Variants in OR7C1 observed in about 807,000 individuals in gnomAD.
OR7C1 encodes olfactory receptor 7C1.
For synonymous variants in OR7C1, 152 were observed against 160.7 expected (o/e 0.95, Z 0.41); for missense variants, 324 against 383.3 (o/e 0.85, Z 1.29).
rs2044680024 is a variant in OR7C1 at position 14,809,285 on chromosome 19, T to A, written c.-435+521A>T. Among the ~76,000 whole-genome samples, 2 of 151,938 alleles carry A rather than the reference T, an allele frequency of 1.3e-5. 1 individual carries two copies. Among genetic ancestry groups the A allele is most frequent in the African/African-American group, 4.9e-5 (2 of 41,216 alleles). ...AAGTCAGGGCCTTTCTCACTCACAA[T>A]GCTTCATAAATACGAGGAGATGGTA... On this transcript the variant is annotated intron_variant, in intron 2 of 4. Transcript: ENST00000641666.
intron 1 of OR7C1, chr19:14,827,654 G>A: frequency 6.2e-7 from 1 of 1,614,196 alleles, no homozygotes; most frequent in Non-Finnish European, 8.5e-7. Flanking sequence ...ATATCACCAT[G>A]TGATTAAGAA....
chr19:14,825,963 G>C (rs1274248269), intron 1 of OR7C1: 1 of 152,112 alleles, frequency 6.6e-6, no homozygotes, highest in Non-Finnish European at 1.5e-5. Flanking sequence ...TTTGGCATTT[G>C]TTCTAATACT....
intron 2 of OR7C1, among the ~76,000 whole-genome samples, chr19:14,803,366 C>T (rs966946918): frequency 9.3e-5 from 14 of 151,212 alleles, no homozygotes; most frequent in East Asian, 1.9e-4. Flanking sequence ...TTACATAGTC[C>T]GGAGGAAGCT....
At chr19:14,803,190 C>T (rs143075592) in intron 2 of OR7C1, among the ~76,000 whole-genome samples, 2,199 of 151,670 alleles carry the variant, frequency 0.014, 32 homozygotes, top group Non-Finnish European at 0.018. Context: ...ATCTGTAATC[C>T]CAGCTACTTG....
chr19:14,812,591 G>A (rs1378113552), intron 1 of OR7C1, among the ~76,000 whole-genome samples: 2 of 151,734 alleles, frequency 1.3e-5, no homozygotes, highest in African/African-American at 4.9e-5. Context: ...AAAAGGGACA[G>A]GAATTTCTCA....
chr19:14,808,593 A>G (rs766173306), intron 2 of OR7C1, among the ~76,000 whole-genome samples: 3 of 151,116 alleles, frequency 2.0e-5, no homozygotes, highest in Non-Finnish European at 2.9e-5. Flanking sequence ...TAGATAATGG[A>G]ATAATAGTAG....
At chr19:14,825,260 T>C (rs529329333) in intron 1 of OR7C1, 5 of 152,022 alleles carry the variant, frequency 3.3e-5, no homozygotes, top group South Asian at 2.1e-4. Context: ...AAATAGAGAG[T>C]ACAATTCTGG....
intron 2 of OR7C1, among the ~76,000 whole-genome samples, chr19:14,808,709 G>C (rs1338160809): frequency 6.6e-6 from 1 of 151,930 alleles, no homozygotes; most frequent in African/African-American, 2.4e-5. Context: ...TAATAGTCCA[G>C]ACTTCACCAC....
intron 1 of OR7C1, among the ~76,000 whole-genome samples, chr19:14,834,330 A>T (rs941859753): frequency 3.3e-5 from 5 of 152,172 alleles, no homozygotes; most frequent in African/African-American, 1.2e-4. Flanking sequence ...AAGCCAGCAG[A>T]TATTCCTCGC....
intron 1 of OR7C1, among the ~76,000 whole-genome samples, chr19:14,816,386 G>C (rs1193008739): frequency 6.6e-6 from 1 of 152,108 alleles, no homozygotes; most frequent in Non-Finnish European, 1.5e-5. Context: ...AATCCGTGTG[G>C]GCACCATCTA....
intron 1 of OR7C1, among the ~76,000 whole-genome samples, chr19:14,811,579 C>T (rs971323529): frequency 2.0e-5 from 3 of 151,480 alleles, no homozygotes; most frequent in Non-Finnish European, 2.9e-5. Context: ...TGAGCTTATC[C>T]TTTAGGGGGG....
chr19:14,813,759 A>G (rs34079428), intron 1 of OR7C1, among the ~76,000 whole-genome samples: 30,382 of 151,862 alleles, frequency 0.2, 3,371 homozygotes, highest in African/African-American at 0.3. Context: ...GATCTTGTGA[A>G]AACTCACTCA....
chr19:14,831,880 T>G (rs1436642687), intron 1 of OR7C1, among the ~76,000 whole-genome samples: 5 of 152,166 alleles, frequency 3.3e-5, no homozygotes, highest in African/African-American at 1.2e-4. Context: ...TTTGCACACG[T>G]CATGACTATT....
In OR7C1 at chr19:14,817,154, C is replaced by A. The variant is rs144621391; in HGVS notation, c.-622-7161G>T. On this transcript the variant is annotated intron_variant, in intron 1 of 4. Transcript: ENST00000641666. ...ATACCCCAAAAGTAGGCTAGCTAAT[C>A]TGAGTCCCAGACTGGGGACTGGGCT... is the stretch of plus-strand genomic sequence containing the variant. 6.1e-4 allele frequency among the ~76,000 whole-genome samples: 93 copies of A among 152,254 alleles called. 1 individual carries two copies. Among genetic ancestry groups the A allele is most frequent in the Middle Eastern group, 6.8e-3 (2 of 294 alleles).
intron 1 of OR7C1, among the ~76,000 whole-genome samples, chr19:14,830,479 G>C (rs1430056835): frequency 6.6e-6 from 1 of 151,686 alleles, no homozygotes; most frequent in Non-Finnish European, 1.5e-5. Flanking sequence ...GGCTTGCTGG[G>C]GATCTTATAG....
At chr19:14,814,808 A>G (rs1475820550) in intron 1 of OR7C1, among the ~76,000 whole-genome samples, 3 of 152,198 alleles carry the variant, frequency 2.0e-5, no homozygotes, top group Admixed American at 2.0e-4. Context: ...TCCAGCCATG[A>G]CGGGACGAGA....
rs766319444 is a variant in OR7C1, at chr19:14,810,617, C to T, written c.-622-624G>A. ...AGTCAGGATGGTCTCAATCTCCTGA[C>T]CTCATGATCCGCCCGCCTCAGCCTC... On this transcript the variant is annotated intron_variant, in intron 1 of 4. Coordinates refer to ENST00000641666, the Ensembl canonical transcript of OR7C1. Among the ~76,000 whole-genome samples the T allele has an allele frequency of 4.9e-4, 74 of 150,872 alleles. 1 individual carries two copies. The Middle Eastern group carries it at 0.01, about 21-fold the overall frequency.
At chr19:14,809,491 GAAA>G in intron 2 of OR7C1, among the ~76,000 whole-genome samples, 1 of 151,972 alleles carries the variant, frequency 6.6e-6, no homozygotes, top group Non-Finnish European at 1.5e-5. Flanking sequence ...AACAGAGATT[GAAA>G]GCAAGAAGAA....
intron 1 of OR7C1, chr19:14,827,955 G>A (rs780854640): frequency 6.2e-7 from 1 of 1,614,198 alleles, no homozygotes; most frequent in Admixed American, 1.7e-5. Context: ...CATGAGGCAG[G>A]CTATGTAGGT....
Sources: allele counts gnomAD v4.1 joint callset (sites outside exome capture counted in the v4.1 genomes callset), GRCh38; gene constraint gnomAD v4.1.1; transcripts MANE v1.5; gene names NCBI Gene and HGNC (gene_info 2026-07-23, HGNC 2026-07-21).